Variants in CSMD1 observed in about 807,000 individuals in gnomAD.
The protein encoded by CSMD1 is CUB and Sushi multiple domains 1, also known as CUB and sushi domain-containing protein 1.
Under a neutral mutation model 417.5 loss-of-function variants are expected in CSMD1, and 213 were observed. That is an observed-to-expected ratio of 0.51 (90% CI 0.46 to 0.57). CSMD1 has a LOEUF of 0.57. CSMD1 is among the 20% of genes least tolerant of loss of function. The pLI, the probability that CSMD1 is intolerant of heterozygous loss-of-function variation, is 0.00. For synonymous variants in CSMD1, 2,862 were observed against 1,736.8 expected (o/e 1.65, Z -16.11); for missense variants, 6,923 against 4,529.7 (o/e 1.53, Z -15.17).
chr8:4,212,748 ATTCTTTTTTTT>A (rs757069579), intron 3 of CSMD1, among the ~76,000 whole-genome samples: 9,357 of 101,860 alleles, frequency 0.092, 352 homozygotes, highest in East Asian at 0.2. Context: ...CAGCGGCCTT[ATTCTTTTTTTT>A]TTTTTTTTTT....
intron 3 of CSMD1, among the ~76,000 whole-genome samples, chr8:4,352,766 G>A (rs572061264): frequency 2.3e-4 from 35 of 152,312 alleles, no homozygotes; most frequent in African/African-American, 8.2e-4. Flanking sequence ...AACCATGGCA[G>A]ACAAATCTAC....
At chr8:3,891,409 G>T (rs898822436) in intron 5 of CSMD1, among the ~76,000 whole-genome samples, 1 of 152,058 alleles carries the variant, frequency 6.6e-6, no homozygotes. Context: ...GCCAGGTATG[G>T]TGGCTCACGC....
intron 15 of CSMD1, among the ~76,000 whole-genome samples, chr8:3,402,929 A>G (rs1032344249): frequency 3.3e-5 from 5 of 152,088 alleles, no homozygotes; most frequent in African/African-American, 1.2e-4. Flanking sequence ...TCCTTGAAAC[A>G]CAGGTTTTGC....
In CSMD1 at chr8:2,957,758, C is replaced by T; in HGVS notation, c.9752G>A (p.Gly3251Asp). 1 of 1,599,364 alleles carries T rather than the reference C, an allele frequency of 6.3e-7. No homozygotes were observed. Among genetic ancestry groups the T allele is most frequent in the Non-Finnish European group, 8.5e-7 (1 of 1,172,232 alleles). Residue 3251 changes from glycine (G) to aspartate (D), a missense_variant, in exon 63 of 70, where the codon GGT (glycine) becomes GAT (aspartate). Gly to Asp is a moderately conservative substitution (Grantham distance 94). Coordinates refer to ENST00000635120, the MANE Select transcript of CSMD1 (RefSeq NM_033225.6). ...FRCRKGYHIQ[G>D]STTRTCLANL... ...GGCAAGGCAGGTGCGAGTCGTGGAA[C>T]CTTGAATATGGTAGCCTTTTCTGCA...
chr8:3,382,317 G>C (rs968727030), intron 18 of CSMD1, among the ~76,000 whole-genome samples: 10 of 146,756 alleles, frequency 6.8e-5, no homozygotes, highest in African/African-American at 2.2e-4. Flanking sequence ...TTGGGTTAGG[G>C]TTATTTATAT....
At chr8:4,458,053 C>T (rs1283172169) in intron 2 of CSMD1, among the ~76,000 whole-genome samples, 2 of 152,020 alleles carry the variant, frequency 1.3e-5, no homozygotes, top group Non-Finnish European at 2.9e-5. Flanking sequence ...TCCTTTTACC[C>T]CTGAGGTACA....
chr8:4,668,988 G>A (rs1349247618), intron 1 of CSMD1, among the ~76,000 whole-genome samples: 1 of 151,820 alleles, frequency 6.6e-6, no homozygotes, highest in African/African-American at 2.4e-5. Context: ...GGTTTCTTAG[G>A]TGTCTAATCT....
chr8:4,338,545 T>C (rs62480604), intron 3 of CSMD1, among the ~76,000 whole-genome samples: 197 of 152,086 alleles, frequency 1.3e-3, no homozygotes, highest in Non-Finnish European at 2.3e-3. Flanking sequence ...GTTTACTCTA[T>C]TTTCAAAACT....
At chr8:4,042,908 A>T (rs1585192823) in intron 3 of CSMD1, among the ~76,000 whole-genome samples, 1 of 145,758 alleles carries the variant, frequency 6.9e-6, no homozygotes, top group East Asian at 2.0e-4. Flanking sequence ...TGGGAAGATT[A>T]TGAGTTCAGG....
chr8:4,443,243 G>T (rs1012123537), intron 2 of CSMD1, among the ~76,000 whole-genome samples: 1 of 152,114 alleles, frequency 6.6e-6, no homozygotes, highest in African/African-American at 2.4e-5. Flanking sequence ...TTTTAAGATG[G>T]ATAATGTCAA....
chr8:3,430,942 G>C (rs1340585928), intron 12 of CSMD1, among the ~76,000 whole-genome samples: 12 of 152,168 alleles, frequency 7.9e-5, no homozygotes, highest in Admixed American at 6.5e-4. Flanking sequence ...TGCATGACTA[G>C]TAAACTGGAG....
At chr8:3,175,148 A>G (rs958244468) in intron 37 of CSMD1, among the ~76,000 whole-genome samples, 1 of 152,202 alleles carries the variant, frequency 6.6e-6, no homozygotes, top group Non-Finnish European at 1.5e-5. Flanking sequence ...TTAGTTTATA[A>G]CGATAAAATC....
At chr8:4,367,545 C>T (rs996528179) in intron 3 of CSMD1, among the ~76,000 whole-genome samples, 14 of 152,118 alleles carry the variant, frequency 9.2e-5, no homozygotes, top group Non-Finnish European at 1.2e-4. Flanking sequence ...TAATGTGGGG[C>T]TCTTTGGGCT....
chr8:4,975,675 A>G (rs1319233588), intron 1 of CSMD1, among the ~76,000 whole-genome samples: 1 of 152,178 alleles, frequency 6.6e-6, no homozygotes, highest in African/African-American at 2.4e-5. Context: ...GTAATTCAAG[A>G]AGTAGGCAAA....
At chr8:3,457,470 C>G (rs941538291) in intron 12 of CSMD1, among the ~76,000 whole-genome samples, 2 of 152,268 alleles carry the variant, frequency 1.3e-5, no homozygotes, top group East Asian at 1.9e-4. Context: ...CATGTTAAAG[C>G]AAGAGGTGAT....
chr8:4,814,303 T>C, intron 1 of CSMD1, among the ~76,000 whole-genome samples: 1 of 152,136 alleles, frequency 6.6e-6, no homozygotes, highest in Admixed American at 6.6e-5. Flanking sequence ...TGGAGCGCAA[T>C]GGCACAAACT....
chr8:3,700,733 T>C (rs568948211), intron 7 of CSMD1: 1 of 151,612 alleles, frequency 6.6e-6, no homozygotes, highest in South Asian at 2.1e-4. Flanking sequence ...GTCCCTGGGG[T>C]GTTGAGTGTC....
intron 8 of CSMD1, among the ~76,000 whole-genome samples, chr8:3,599,173 G>A (rs1174753630): frequency 1.3e-5 from 2 of 150,640 alleles, no homozygotes; most frequent in African/African-American, 4.9e-5. Flanking sequence ...CTGTGTGTGT[G>A]TGTGTGTGAG....
At chr8:3,102,549 G>C (rs1053415723) in intron 46 of CSMD1, among the ~76,000 whole-genome samples, 1 of 152,140 alleles carries the variant, frequency 6.6e-6, no homozygotes, top group African/African-American at 2.4e-5. Context: ...TGTTGATTTA[G>C]ACATGTGCCA....
Sources: allele counts gnomAD v4.1 joint callset (sites outside exome capture counted in the v4.1 genomes callset), GRCh38; gene constraint gnomAD v4.1.1; transcripts MANE v1.5; gene names NCBI Gene and HGNC (gene_info 2026-07-23, HGNC 2026-07-21).